EVL: variants seen among roughly 807,000 people sequenced by gnomAD.
EVL encodes the protein ena/VASP-like protein.
Under a neutral mutation model 59.6 loss-of-function variants are expected in EVL, and 21 were observed. The observed-to-expected ratio is 0.35, with a 90% CI of 0.25 to 0.51. EVL has a LOEUF of 0.51. EVL is among the 20% of genes least tolerant of loss of function. EVL has a pLI of 0.97. For missense variants in EVL, 462 were observed against 546.6 expected (o/e 0.85, Z 1.54); for synonymous variants, 198 against 203.5 (o/e 0.97, Z 0.23).
intron 1 of EVL, among the ~76,000 whole-genome samples, chr14:100,039,656 A>G (rs1003564951): frequency 1.3e-5 from 2 of 152,174 alleles, no homozygotes; most frequent in African/African-American, 4.8e-5. Context: ...TTCTAAATAA[A>G]CAACAACAGT....
intron 1 of EVL, among the ~76,000 whole-genome samples, chr14:100,040,139 C>A (rs957294478): frequency 6.6e-6 from 1 of 152,216 alleles, no homozygotes; most frequent in African/African-American, 2.4e-5. Flanking sequence ...GGCACTTGGA[C>A]AGCCTTAGCA....
intron 1 of EVL, among the ~76,000 whole-genome samples, chr14:100,022,957 C>T (rs12436408): frequency 0.042 from 6,434 of 152,176 alleles, 202 homozygotes; most frequent in African/African-American, 0.076. Flanking sequence ...GAAGTCATCA[C>T]GTTTCATTAA....
At position 100,030,389 on chromosome 14, in the gene EVL, A is replaced by ACC. The variant is rs755092613; in HGVS notation, c.6-54297_6-54296dup. Among the ~76,000 whole-genome samples, 39 of 152,288 alleles carry ACC rather than the reference A, an allele frequency of 2.6e-4. 1 individual carries two copies. In the South Asian group the frequency reaches 7.7e-3, roughly 30 times the overall value. On this transcript the variant is annotated intron_variant, in intron 1 of 13. Transcript: ENST00000402714. ...AGGGTTGGGATTATAGGCGTGAGCC[A>ACC]CCGCGCCCGGCCGAGATTACCTCTA... is the stretch of plus-strand genomic sequence containing the variant.
intron 1 of EVL, among the ~76,000 whole-genome samples, chr14:100,039,102 A>AAGAGAC (rs933655276): frequency 6.6e-6 from 1 of 152,216 alleles, no homozygotes; most frequent in Non-Finnish European, 1.5e-5. Flanking sequence ...TCAAAGTTAA[A>AAGAGAC]CCTTGGGGAC....
At chr14:99,985,913 G>T (rs1246065704) in intron 1 of EVL, among the ~76,000 whole-genome samples, 7 of 152,102 alleles carry the variant, frequency 4.6e-5, no homozygotes, top group African/African-American at 9.7e-5. Context: ...AATACAGAAA[G>T]ATGTTCGACC....
At chr14:100,113,444 A>G (rs1036114025) in intron 3 of EVL, among the ~76,000 whole-genome samples, 1 of 152,162 alleles carries the variant, frequency 6.6e-6, no homozygotes, top group African/African-American at 2.4e-5. Context: ...TGCTCTCATC[A>G]TCTTCCTCAT....
rs1888361558 is a variant in EVL, at chr14:100,130,457, T to C, written c.839+773T>C. Among the ~76,000 whole-genome samples the C allele has an allele frequency of 6.6e-6, 1 of 152,214 alleles. No homozygotes were observed. The highest frequency in any genetic ancestry group is 2.4e-5 in the African/African-American group (1 of 41,460). The stretch of plus-strand genomic sequence containing the variant: ...GCACCAGAGGGCACGGGAGTAGGCC[T>C]CACCTGCCAGAACAGAGGAAGCTGC... On this transcript the variant is annotated intron_variant, in intron 7 of 13. Coordinates refer to ENST00000392920, the MANE Select transcript of EVL (RefSeq NM_016337.3). This position sits in a 1 kb window ranked among gnomAD's most constrained non-coding sequence, Gnocchi z 4.8.
chr14:100,032,183 G>A (rs1463721862), intron 1 of EVL, among the ~76,000 whole-genome samples: 2 of 152,238 alleles, frequency 1.3e-5, no homozygotes, highest in Non-Finnish European at 2.9e-5. Context: ...CCTTTTCCTG[G>A]AGAGAGGATG....
chr14:100,073,891 C>T (rs539954236), intron 1 of EVL, among the ~76,000 whole-genome samples: 16 of 152,120 alleles, frequency 1.1e-4, no homozygotes, highest in African/African-American at 3.6e-4. Context: ...CCCCTCAGTT[C>T]AGTGGCAAGT....
chr14:100,084,979 C>A, intron 2 of EVL, 124 bp downstream of exon 2: 1 of 1,050,156 alleles, frequency 9.5e-7, no homozygotes, highest in South Asian at 1.6e-5. Flanking sequence ...ATCAGAGGAC[C>A]TGGGCTCAGA....
chr14:100,080,486 T>A (rs1194717693), intron 1 of EVL, among the ~76,000 whole-genome samples: 1 of 152,208 alleles, frequency 6.6e-6, no homozygotes, highest in African/African-American at 2.4e-5. Context: ...ACTCACCTTG[T>A]ACAGATGAGG....
At chr14:99,990,718 T>G (rs1191012) in intron 1 of EVL, among the ~76,000 whole-genome samples, 29,057 of 151,882 alleles carry the variant, frequency 0.19, 3,554 homozygotes, top group East Asian at 0.43. Context: ...TATATATATA[T>G]AGAGAGAGAG....
chr14:100,044,372 T>C (rs2061515728), intron 1 of EVL, among the ~76,000 whole-genome samples: 1 of 152,206 alleles, frequency 6.6e-6, no homozygotes. Flanking sequence ...CAGTATTTCT[T>C]ATACAGAGAT....
chr14:100,107,385 T>C (rs1183518073), intron 3 of EVL: 2 of 397,978 alleles, frequency 5.0e-6, no homozygotes, highest in Admixed American at 4.4e-5. Flanking sequence ...GTAGGGCCAG[T>C]GAGTGGGAGC....
At chr14:99,981,417 T>A (rs1425975376) in intron 1 of EVL, among the ~76,000 whole-genome samples, 1 of 151,818 alleles carries the variant, frequency 6.6e-6, no homozygotes, top group African/African-American at 2.4e-5. Flanking sequence ...GGCAACAGAG[T>A]GAAACTGTCT....
chr14:100,096,570 A>T (rs1275989453), intron 2 of EVL, among the ~76,000 whole-genome samples: 2 of 152,224 alleles, frequency 1.3e-5, no homozygotes, highest in Non-Finnish European at 2.9e-5. Context: ...CCGATCATTC[A>T]TAAGTGTCAT....
At chr14:99,990,480 A>T (rs149735970) in intron 1 of EVL, among the ~76,000 whole-genome samples, 15 of 152,204 alleles carry the variant, frequency 9.9e-5, no homozygotes, top group African/African-American at 3.6e-4. Flanking sequence ...TCTAAACCCC[A>T]TTAAACACTA....
intron 3 of EVL, among the ~76,000 whole-genome samples, chr14:100,105,033 G>C (rs892580910): frequency 6.6e-6 from 1 of 151,618 alleles, no homozygotes; most frequent in African/African-American, 2.4e-5. Flanking sequence ...CCTTGTGCCG[G>C]TCATGCCAAC....
chr14:100,123,752 C>G, intron 4 of EVL, 150 bp downstream of exon 4: 1 of 733,830 alleles, frequency 1.4e-6, no homozygotes, highest in Non-Finnish European at 2.2e-6. Flanking sequence ...CAAGCCAGAC[C>G]AGGAAGAAAG....
Sources: gnomAD v4.1 joint callset for allele counts (sites outside exome capture counted in the v4.1 genomes callset) on GRCh38, gnomAD v4.1.1 for gene constraint, Gnocchi (gnomAD v3.1) non-coding constraint, MANE v1.5 for transcripts, NCBI Gene and HGNC (gene_info 2026-07-23, HGNC 2026-07-21) for gene names.